Variants in ADAMTS19 observed in about 807,000 individuals in gnomAD.
ADAMTS19 encodes A disintegrin and metalloproteinase with thrombospondin motifs 19.
In ADAMTS19, 93 loss-of-function variants were observed where a neutral mutation model predicts 153.3. The observed-to-expected ratio is 0.61, with a 90% CI of 0.51 to 0.72. The LOEUF (loss-of-function observed/expected upper bound fraction) is 0.72, where lower values mean the gene tolerates loss of function less well. ADAMTS19 is among the 30% of genes least tolerant of loss of function. The probability of loss-of-function intolerance (pLI) is 0.00; values close to 1 mark genes in which losing one functional copy is unlikely to be tolerated. For missense variants in ADAMTS19, 1,482 were observed against 1,552.1 expected, an observed-to-expected ratio of 0.95 and a Z score of 0.76; for synonymous variants, 600 against 556.6, an observed-to-expected ratio of 1.08 and a Z score of -1.10.
chr5:129,670,568 C>T (rs1211017054), intron 16 of ADAMTS19, among the ~76,000 whole-genome samples: 3 of 152,120 alleles, frequency 2.0e-5, no homozygotes, highest in African/African-American at 7.2e-5. Context: ...CATCTGGGTT[C>T]TTAGGCACTG....
intron 10 of ADAMTS19, among the ~76,000 whole-genome samples, chr5:129,624,986 T>TC (rs756242587): frequency 2.9e-4 from 39 of 136,664 alleles, no homozygotes; most frequent in Non-Finnish European, 4.6e-4. Flanking sequence ...CCTTCCCCCA[T>TC]CCCCCCACCC....
At chr5:129,604,732 A>G (rs1161389876) in intron 8 of ADAMTS19, among the ~76,000 whole-genome samples, 1 of 152,042 alleles carries the variant, frequency 6.6e-6, no homozygotes, top group Non-Finnish European at 1.5e-5. Context: ...AGGGTTTAGA[A>G]TTTTTTTTGA....
chr5:129,676,130 A>C (rs188111685), intron 16 of ADAMTS19, among the ~76,000 whole-genome samples: 237 of 152,222 alleles, frequency 1.6e-3, no homozygotes, highest in African/African-American at 5.6e-3. Context: ...TTTTCCACTG[A>C]TTATGATAGG....
At chr5:129,546,802 T>C (rs1752876392) in intron 6 of ADAMTS19, among the ~76,000 whole-genome samples, 4 of 151,106 alleles carry the variant, frequency 2.6e-5, no homozygotes, top group Admixed American at 2.6e-4. Flanking sequence ...AGAAAATAAA[T>C]TGCTAAATAA....
In ADAMTS19 at chr5:129,697,447, C is replaced by T. The variant is rs76035618; in HGVS notation, c.2954+2592C>T. ...GCATTCCTGCTCTAACAGTCCTACCCCAGGCAAATATATGCTTTTAAAAGA... is the reference window on the plus strand; with the variant it reads ...GCATTCCTGCTCTAACAGTCCTACCTCAGGCAAATATATGCTTTTAAAAGA... On this transcript the variant is annotated intron_variant, in intron 19 of 22. Coordinates refer to ENST00000274487, the MANE Select transcript of ADAMTS19 (RefSeq NM_133638.6). Among the ~76,000 whole-genome samples the T allele has an allele frequency of 6.2e-3, 946 of 152,194 alleles. 10 individuals are homozygous for T. The highest frequency in any genetic ancestry group is 0.02 in the African/African-American group (839 of 41,516).
chr5:129,517,731 T>C (rs941130509), intron 3 of ADAMTS19, among the ~76,000 whole-genome samples: 1 of 152,042 alleles, frequency 6.6e-6, no homozygotes, highest in African/African-American at 2.4e-5. Flanking sequence ...TATTTTTTCA[T>C]CTATTTAGCC....
intron 8 of ADAMTS19, among the ~76,000 whole-genome samples, chr5:129,610,593 C>T (rs1361934882): frequency 6.6e-6 from 1 of 151,914 alleles, no homozygotes; most frequent in African/African-American, 2.4e-5. Context: ...TTCAGCTTCA[C>T]CCATGTCCCC....
chr5:129,507,661 C>CGTGT (rs71749669), intron 2 of ADAMTS19, among the ~76,000 whole-genome samples: 7,244 of 142,336 alleles, frequency 0.051, 203 homozygotes, highest in African/African-American at 0.072. Flanking sequence ...TGCCTGTGTA[C>CGTGT]GTGTGTGTGT....
intron 10 of ADAMTS19, among the ~76,000 whole-genome samples, chr5:129,639,115 T>C (rs1342891956): frequency 6.6e-6 from 1 of 152,224 alleles, no homozygotes; most frequent in East Asian, 1.9e-4. Flanking sequence ...TTTTAAGTTA[T>C]AGAGTTATTT....
In ADAMTS19 at chr5:129,535,551, G is replaced by T. The variant is rs148783174; in HGVS notation, c.1328+6874G>T. On this transcript the variant is annotated intron_variant, in intron 6 of 22. Coordinates refer to ENST00000274487, the MANE Select transcript of ADAMTS19 (RefSeq NM_133638.6). ...ACCAATGACTTTCTTCACAGAATTG[G>T]AAAAAGCTACTTTAAAGTTCATAGG... Among the ~76,000 whole-genome samples the T allele has an allele frequency of 6.8e-3, 1,042 of 152,174 alleles. 10 individuals are homozygous for T. The highest frequency in any genetic ancestry group is 0.022 in the African/African-American group (924 of 41,530).
At chr5:129,491,949 T>C (rs1750784523) in intron 2 of ADAMTS19, among the ~76,000 whole-genome samples, 2 of 152,210 alleles carry the variant, frequency 1.3e-5, no homozygotes, top group Admixed American at 1.3e-4. Context: ...TCACATCAAA[T>C]TGATAATAAT....
intron 21 of ADAMTS19, 148 bp downstream of exon 21, chr5:129,704,539 C>G (rs548978711): frequency 1.2e-5 from 10 of 817,686 alleles, no homozygotes; most frequent in Non-Finnish European, 1.6e-5. Context: ...GCTGGCTGTC[C>G]ATGATCATGA....
intron 18 of ADAMTS19, among the ~76,000 whole-genome samples, chr5:129,688,443 A>G (rs970512424): frequency 6.6e-6 from 1 of 152,192 alleles, no homozygotes; most frequent in East Asian, 1.9e-4. Context: ...TTAAAAGGAT[A>G]TGGTTATCTA....
intron 10 of ADAMTS19, among the ~76,000 whole-genome samples, chr5:129,639,254 A>T (rs79341045): frequency 6.6e-6 from 1 of 152,268 alleles, no homozygotes; most frequent in East Asian, 1.9e-4. Flanking sequence ...CCCTTTAGAA[A>T]GGGCTTGCTG....
At chr5:129,565,339 C>G (rs559407941) in intron 7 of ADAMTS19, among the ~76,000 whole-genome samples, 1 of 152,226 alleles carries the variant, frequency 6.6e-6, no homozygotes, top group East Asian at 1.9e-4. Flanking sequence ...CAGATATATT[C>G]GATACACAGA....
At chr5:129,541,924 TA>T (rs1371215563) in intron 6 of ADAMTS19, among the ~76,000 whole-genome samples, 1 of 151,876 alleles carries the variant, frequency 6.6e-6, no homozygotes, top group Admixed American at 6.6e-5. Flanking sequence ...CCTATGTAGA[TA>T]AATGATATTT....
chr5:129,547,435 G>A lies in ADAMTS19; in HGVS notation c.1329-4429G>A, dbSNP rs943458568. ...GTTGTTTTAAGTCACCATATTTATG[G>A]AATTTTTACAGCAGCAATAGAGAAC... On this transcript the variant is annotated intron_variant, in intron 6 of 22. Transcript: ENST00000274487. 6.0e-5 allele frequency among the ~76,000 whole-genome samples: 9 copies of A among 150,704 alleles called. 1 individual carries two copies. The highest frequency in any genetic ancestry group is 2.2e-4 in the African/African-American group (9 of 40,162).
rs532650838 is a variant in ADAMTS19 at position 129,614,090 on chromosome 5, A to C, written c.1479-6528A>C. ...GTCCAAGACCAGACGGATTCACAGC[A>C]GAATTCTACCAGAGGTACAAGGAGG... On this transcript the variant is annotated intron_variant, in intron 8 of 22. Coordinates refer to ENST00000274487, the MANE Select transcript of ADAMTS19 (RefSeq NM_133638.6). Among the ~76,000 whole-genome samples the C allele has an allele frequency of 2.0e-4, 31 of 152,234 alleles. No homozygotes were observed. The East Asian group carries it at 5.4e-3, about 27-fold the overall frequency.
At chr5:129,529,822 C>T (rs1405787018) in intron 6 of ADAMTS19, among the ~76,000 whole-genome samples, 1 of 151,938 alleles carries the variant, frequency 6.6e-6, no homozygotes, top group Admixed American at 6.6e-5. Context: ...AGGAAACTGC[C>T]CCAAATTTAC....
Sources: gnomAD v4.1 joint callset for allele counts (sites outside exome capture counted in the v4.1 genomes callset) on GRCh38, gnomAD v4.1.1 for gene constraint, MANE v1.5 for transcripts, NCBI Gene and HGNC (gene_info 2026-07-23, HGNC 2026-07-21) for gene names.